TOMM20: variants seen among roughly 807,000 people sequenced by gnomAD.
TOMM20 encodes the protein translocase of outer mitochondrial membrane 20.
Under a neutral mutation model 22.1 loss-of-function variants are expected in TOMM20, and 10 were observed. That is an observed-to-expected ratio of 0.45 (90% CI 0.28 to 0.77). The LOEUF (loss-of-function observed/expected upper bound fraction) is 0.77, where lower values mean the gene tolerates loss of function less well. Ranked by LOEUF, TOMM20 falls within the 30% of genes least tolerant of loss-of-function variation. The pLI is 0.13. For synonymous variants in TOMM20, 55 were observed against 61.4 expected, an observed-to-expected ratio of 0.90 and a Z score of 0.49; for missense variants, 121 against 172.2, an observed-to-expected ratio of 0.70 and a Z score of 1.66.
intron 3 of TOMM20, among the ~76,000 whole-genome samples, chr1:235,115,537 G>C (rs1005336922): frequency 2.0e-5 from 3 of 152,128 alleles, no homozygotes; most frequent in African/African-American, 7.2e-5. Flanking sequence ...CAAGGCAGGA[G>C]AATTGCTTGA....
At chr1:235,118,525 T>C (rs1196089452) in intron 3 of TOMM20, among the ~76,000 whole-genome samples, 1 of 152,168 alleles carries the variant, frequency 6.6e-6, no homozygotes, top group East Asian at 1.9e-4. Context: ...AGTTACAGAT[T>C]TTATGTATAT....
At chr1:235,123,564 AC>A (rs1174915568) in intron 1 of TOMM20, among the ~76,000 whole-genome samples, 1 of 152,138 alleles carries the variant, frequency 6.6e-6, no homozygotes, top group Non-Finnish European at 1.5e-5. Flanking sequence ...ACCCTCATAA[AC>A]TGGATTTCAT....
In TOMM20 at chr1:235,111,959, T is replaced by C; in HGVS notation, c.*105A>G. On this transcript the variant is annotated 3_prime_UTR_variant, in exon 5 of 5. Coordinates refer to ENST00000366607, the MANE Select transcript of TOMM20 (RefSeq NM_014765.3). ...ACATTAACTTTGGTAGATTTCAGTGTAGTTCATAACAAGCATATTTGCCCT... is the reference window on the plus strand; with the variant it reads ...ACATTAACTTTGGTAGATTTCAGTGCAGTTCATAACAAGCATATTTGCCCT... 1.2e-6 allele frequency: 1 copy of C among 838,514 alleles called. No individual in the cohort carries two copies. 51.9% of individuals were successfully genotyped at this position (838,514 alleles called of 1,614,324 possible).
chr1:235,121,824 G>T (rs1660935950), intron 2 of TOMM20, among the ~76,000 whole-genome samples: 1 of 152,128 alleles, frequency 6.6e-6, no homozygotes, highest in African/African-American at 2.4e-5. Context: ...TCTATGAGAA[G>T]AAAAAATAAA....
chr1:235,128,679 A>G lies in TOMM20; in HGVS notation c.37T>C (p.Cys13Arg). ...CAGTACCCAATGAAAAGGGCCCCGCATACACCGGCGGCGATGGCGCTGTTC... is the reference window on the plus strand; with the variant it reads ...CAGTACCCAATGAAAAGGGCCCCGCGTACACCGGCGGCGATGGCGCTGTTC... ...GRNSAIAAGV[C>R]GALFIGYCIY... The change falls in exon 1 of 5, where the codon TGC (cysteine) becomes CGC (arginine). Residue 13 changes from cysteine to arginine, a missense_variant. Transcript: ENST00000366607. 6.2e-7 allele frequency: 1 copy of G among 1,614,110 alleles called. No homozygotes were observed. Among genetic ancestry groups the G allele is most frequent in the East Asian group, 2.2e-5 (1 of 44,882 alleles).
At chr1:235,120,820 C>T (rs1232386982) in intron 2 of TOMM20, among the ~76,000 whole-genome samples, 5 of 142,550 alleles carry the variant, frequency 3.5e-5, no homozygotes, top group Admixed American at 3.0e-4. Context: ...TGAGCTGTGA[C>T]TGCACCGCTA....
chr1:235,109,991 GA>G lies in TOMM20; in HGVS notation c.*2072del, dbSNP rs1195024341. ...GTGTTTGGCAATTACATTTCTGGGA[GA>G]AAAAACTGCTGATTTTTTCTTTAAC... On this transcript the variant is annotated 3_prime_UTR_variant, in exon 5 of 5. Coordinates refer to ENST00000366607, the MANE Select transcript of TOMM20 (RefSeq NM_014765.3). 1.3e-5 allele frequency: 2 copies of G among 152,104 alleles called. No individual in the cohort carries two copies. Among genetic ancestry groups the G allele is most frequent in the Non-Finnish European group, 2.9e-5 (2 of 68,030 alleles). 9.4% of individuals were successfully genotyped at this position (152,104 alleles called of 1,614,324 possible).
At chr1:235,113,706 G>A in intron 4 of TOMM20, 62 bp downstream of exon 4, 5 of 1,535,294 alleles carry the variant, frequency 3.3e-6, no homozygotes, top group Non-Finnish European at 4.4e-6. Context: ...ATTTTAAAAT[G>A]TCCCTAATCA....
chr1:235,122,069 T>A (rs1423822701), intron 2 of TOMM20, among the ~76,000 whole-genome samples: 1 of 152,164 alleles, frequency 6.6e-6, no homozygotes, highest in Non-Finnish European at 1.5e-5. Flanking sequence ...GAGGCCCTCA[T>A]CTTGCTCCTT....
intron 1 of TOMM20, among the ~76,000 whole-genome samples, chr1:235,124,076 G>A (rs566016176): frequency 6.6e-6 from 1 of 152,378 alleles, no homozygotes; most frequent in Non-Finnish European, 1.5e-5. Flanking sequence ...GCTGGGCACA[G>A]TGGCTCACGC....
Position 235,111,985 on chromosome 1 carries a change from T to TG in TOMM20, c.*78_*79insC. Reference sequence around the variant, plus strand: ...AGTTCATAACAAGCATATTTGCCCTTATTCCCCCAGAGCTGCTCAACTACC... The same window carrying TG: ...AGTTCATAACAAGCATATTTGCCCTTGATTCCCCCAGAGCTGCTCAACTACC... On this transcript the variant is annotated 3_prime_UTR_variant, in exon 5 of 5. Transcript: ENST00000366607. 8.2e-7 allele frequency: 1 copy of TG among 1,221,408 alleles called. No homozygotes were observed. Among genetic ancestry groups the TG allele is most frequent in the South Asian group, 1.3e-5 (1 of 76,900 alleles). 75.7% of individuals were successfully genotyped at this position (1,221,408 alleles called of 1,614,324 possible). A position where few individuals can be genotyped will look rare whatever the true frequency, so the allele number is the denominator to read the frequency against.
In TOMM20 at chr1:235,110,970, C is replaced by A. The variant is rs944509801; in HGVS notation, c.*1094G>T. 2.6e-5 allele frequency: 4 copies of A among 152,122 alleles called. No homozygotes were observed. The allele number at this position is 152,122 out of a possible 1,614,324, so 9.4% of individuals were successfully genotyped here. A position where few individuals can be genotyped will look rare whatever the true frequency, so the allele number is the denominator to read the frequency against. On this transcript the variant is annotated 3_prime_UTR_variant, in exon 5 of 5. Coordinates refer to ENST00000366607, the MANE Select transcript of TOMM20 (RefSeq NM_014765.3). The stretch of plus-strand genomic sequence containing the variant: ...TCACAAGGTTGCAACTTACTCTCAT[C>A]GTTTCACAAGATAATCAAGTTGAAG...
chr1:235,112,852 C>T (rs905314005), intron 4 of TOMM20, among the ~76,000 whole-genome samples: 3 of 152,106 alleles, frequency 2.0e-5, no homozygotes, highest in African/African-American at 4.8e-5. Context: ...AATATTAAAC[C>T]GATGATTCCA....
chr1:235,122,142 C>T (rs4659822), intron 2 of TOMM20, among the ~76,000 whole-genome samples, 184 bp downstream of exon 2: 38,232 of 151,928 alleles, frequency 0.25, 6,074 homozygotes, highest in South Asian at 0.52. Flanking sequence ...ATGAAGGACT[C>T]GATAACTGTC....
intron 3 of TOMM20, among the ~76,000 whole-genome samples, chr1:235,118,404 T>C (rs759900159): frequency 5.3e-5 from 8 of 152,230 alleles, no homozygotes; most frequent in Non-Finnish European, 1.2e-4. Context: ...ATGCTTTCCC[T>C]TTCCCCAATG....
At chr1:235,116,100 T>G (rs1490789540) in intron 3 of TOMM20, among the ~76,000 whole-genome samples, 1 of 152,186 alleles carries the variant, frequency 6.6e-6, no homozygotes, top group Non-Finnish European at 1.5e-5. Context: ...CATGTTAGCA[T>G]GCAAGTAAAG....
At chr1:235,114,845 A>G (rs1282622479) in intron 3 of TOMM20, among the ~76,000 whole-genome samples, 1 of 152,022 alleles carries the variant, frequency 6.6e-6, no homozygotes, top group East Asian at 1.9e-4. Flanking sequence ...AGTATCTGCT[A>G]TGTGCTCCTT....
At chr1:235,117,394 G>A (rs1660853676) in intron 3 of TOMM20, among the ~76,000 whole-genome samples, 1 of 148,894 alleles carries the variant, frequency 6.7e-6, no homozygotes, top group South Asian at 2.1e-4. Context: ...GGAGGCAGAG[G>A]TTGCAGTGAG....
At position 235,110,749 on chromosome 1, in the gene TOMM20, T is replaced by C. The variant is rs901270123; in HGVS notation, c.*1315A>G. The C allele has an allele frequency of 6.6e-6, 1 of 152,170 alleles. No homozygotes were observed. Among genetic ancestry groups the C allele is most frequent in the Non-Finnish European group, 1.5e-5 (1 of 68,022 alleles). 9.4% of individuals were successfully genotyped at this position (152,170 alleles called of 1,614,324 possible). On this transcript the variant is annotated 3_prime_UTR_variant, in exon 5 of 5. Coordinates refer to ENST00000366607, the MANE Select transcript of TOMM20 (RefSeq NM_014765.3). Reference sequence around the variant, plus strand: ...CAATCAAAATAAAATGCCTAGTACATAGGAAAAGTCTTTGGGATTTCTCCA... The same window carrying C: ...CAATCAAAATAAAATGCCTAGTACACAGGAAAAGTCTTTGGGATTTCTCCA...
Sources: gnomAD v4.1 joint callset for allele counts (sites outside exome capture counted in the v4.1 genomes callset) on GRCh38, gnomAD v4.1.1 for gene constraint, MANE v1.5 for transcripts, NCBI Gene and HGNC (gene_info 2026-07-23, HGNC 2026-07-21) for gene names.